AKAP19: variants seen among roughly 807,000 people sequenced by gnomAD.
AKAP19 encodes small A-kinase anchoring protein.
At chr2:190,094,121 T>C in the AKAP19 span, among the ~76,000 whole-genome samples, 1 of 152,326 alleles carries the variant, frequency 6.6e-6, no homozygotes, top group East Asian at 1.9e-4. Context: ...TCCCACTATG[T>C]GGGAAAAGAT....
At chr2:190,110,429 T>C in the AKAP19 span, among the ~76,000 whole-genome samples, 1 of 152,232 alleles carries the variant, frequency 6.6e-6, no homozygotes, top group Non-Finnish European at 1.5e-5. Context: ...CATTCTATTG[T>C]AATACTATTT....
At chr2:190,180,655 C>T in the AKAP19 span, 12 of 985,532 alleles carry the variant, frequency 1.2e-5, no homozygotes, top group Middle Eastern at 1.0e-3. This position sits in a 1 kb window ranked among gnomAD's most constrained non-coding sequence, Gnocchi z 6.8. Flanking sequence ...TCGGACCCTG[C>T]GCCTGAGGAA....
the AKAP19 span, among the ~76,000 whole-genome samples, chr2:190,052,791 A>C: frequency 1.3e-5 from 2 of 152,248 alleles, no homozygotes; most frequent in African/African-American, 2.4e-5. Context: ...TTTTTGGTTT[A>C]AAGTTACCAT....
At chr2:189,958,242 G>A in the AKAP19 span, among the ~76,000 whole-genome samples, 6 of 152,076 alleles carry the variant, frequency 3.9e-5, no homozygotes, top group South Asian at 2.1e-4. Context: ...AAAGCACTTC[G>A]CAAGTGGTTA....
the AKAP19 span, among the ~76,000 whole-genome samples, chr2:189,990,885 A>G: frequency 1.3e-5 from 2 of 152,108 alleles, no homozygotes; most frequent in Admixed American, 1.3e-4. Context: ...CTGAGTCCCC[A>G]AAGCCCATTA....
chr2:190,115,538 C>G, the AKAP19 span, among the ~76,000 whole-genome samples: 1 of 149,236 alleles, frequency 6.7e-6, no homozygotes, highest in Non-Finnish European at 1.5e-5. Flanking sequence ...CTGGGATGGT[C>G]TCGATCTCCT....
chr2:190,004,698 G>T, the AKAP19 span, among the ~76,000 whole-genome samples: 11 of 151,104 alleles, frequency 7.3e-5, no homozygotes, highest in African/African-American at 2.7e-4. Flanking sequence ...TTGCCCTCCC[G>T]ACCTCCCTTG....
chr2:190,101,649 C>G, the AKAP19 span, among the ~76,000 whole-genome samples: 1 of 151,358 alleles, frequency 6.6e-6, no homozygotes, highest in Non-Finnish European at 1.5e-5. Flanking sequence ...TATATGTACT[C>G]AACATTGGAG....
chr2:189,936,591 T>C, the AKAP19 span, among the ~76,000 whole-genome samples: 5 of 152,214 alleles, frequency 3.3e-5, no homozygotes, highest in African/African-American at 1.2e-4. Context: ...ATCAAGGATA[T>C]TCTGTAGGAT....
chr2:189,935,882 C>T, the AKAP19 span, among the ~76,000 whole-genome samples: 3 of 151,934 alleles, frequency 2.0e-5, no homozygotes, highest in Non-Finnish European at 4.4e-5. Flanking sequence ...TAAATGAAAA[C>T]CCTGGTGACC....
chr2:189,941,481 G>A, the AKAP19 span, among the ~76,000 whole-genome samples: 1 of 151,702 alleles, frequency 6.6e-6, no homozygotes, highest in Admixed American at 6.6e-5. Context: ...TGGGAGGGTG[G>A]CGAGAATTTA....
At chr2:190,091,238 G>A in the AKAP19 span, among the ~76,000 whole-genome samples, 7 of 152,158 alleles carry the variant, frequency 4.6e-5, no homozygotes, top group East Asian at 7.7e-4. Context: ...TTGTCAGCAC[G>A]TCAGTGGCAC....
At chr2:189,989,229 A>T in the AKAP19 span, among the ~76,000 whole-genome samples, 1 of 152,146 alleles carries the variant, frequency 6.6e-6, no homozygotes, top group African/African-American at 2.4e-5. Flanking sequence ...GAAATAATAG[A>T]AATAGTGTAT....
chr2:189,894,051 G>A, the AKAP19 span, among the ~76,000 whole-genome samples: 1 of 152,160 alleles, frequency 6.6e-6, no homozygotes, highest in Non-Finnish European at 1.5e-5. Flanking sequence ...ACTGGTGGAA[G>A]GGTCTGGCTT....
chr2:190,175,339 A>T, the AKAP19 span, among the ~76,000 whole-genome samples: 1 of 152,376 alleles, frequency 6.6e-6, no homozygotes, highest in Non-Finnish European at 1.5e-5. Context: ...AATGCAGAAC[A>T]ACTTTAAGAA....
At chr2:190,178,778 C>A in the AKAP19 span, among the ~76,000 whole-genome samples, 2 of 152,304 alleles carry the variant, frequency 1.3e-5, no homozygotes, top group South Asian at 2.1e-4. The surrounding 1 kb of genome is among the most constrained non-coding windows in gnomAD (Gnocchi z 6.3). Context: ...TGATGGAGGC[C>A]AGAGACTCTC....
At chr2:190,156,554 T>C in the AKAP19 span, among the ~76,000 whole-genome samples, 1 of 152,162 alleles carries the variant, frequency 6.6e-6, no homozygotes, top group Non-Finnish European at 1.5e-5. Context: ...AGATTTGGAC[T>C]ATACTAAAGT....
At chr2:189,962,041 GA>G in the AKAP19 span, among the ~76,000 whole-genome samples, 12 of 152,022 alleles carry the variant, frequency 7.9e-5, no homozygotes, top group African/African-American at 2.9e-4. Context: ...TGGAAACTGT[GA>G]AAACCATATT....
chr2:189,967,672 T>C, the AKAP19 span, among the ~76,000 whole-genome samples: 1 of 151,828 alleles, frequency 6.6e-6, no homozygotes, highest in Non-Finnish European at 1.5e-5. Flanking sequence ...AAAGCAGCTG[T>C]GCACAGTGGT....
Sources: allele counts gnomAD v4.1 joint callset (sites outside exome capture counted in the v4.1 genomes callset), GRCh38; gene constraint gnomAD v4.1.1; non-coding constraint Gnocchi (gnomAD v3.1); transcripts MANE v1.5; gene names NCBI Gene and HGNC (gene_info 2026-07-23, HGNC 2026-07-21).